The following ADCY2 variants were observed in gnomAD, a reference collection of about 807,000 sequenced individuals.
ADCY2 encodes adenylate cyclase 2.
ADCY2 carries 31 observed loss-of-function variants against 125.2 expected under a neutral mutation model. That is an observed-to-expected ratio of 0.25 (90% CI 0.19 to 0.33). The LOEUF (loss-of-function observed/expected upper bound fraction) is 0.33. ADCY2 is among the 10% of genes least tolerant of loss of function. ADCY2 has a pLI of 1.00. For missense variants in ADCY2, 904 were observed against 1,418.2 expected (o/e 0.64, Z 5.82); for synonymous variants, 512 against 548.4 (o/e 0.93, Z 0.93).
At chr5:7,711,832 A>G (rs1741450282) in intron 10 of ADCY2, among the ~76,000 whole-genome samples, 1 of 152,246 alleles carries the variant, frequency 6.6e-6, no homozygotes, top group Admixed American at 6.5e-5. Context: ...TAGTAGCAGT[A>G]TAGCATACTT....
At chr5:7,750,163 T>C (rs1742759685) in intron 15 of ADCY2, among the ~76,000 whole-genome samples, 1 of 152,196 alleles carries the variant, frequency 6.6e-6, no homozygotes, top group South Asian at 2.1e-4. Context: ...AATTTGTATC[T>C]TTTTGCTTCT....
intron 14 of ADCY2, among the ~76,000 whole-genome samples, chr5:7,732,893 GAATA>G (rs1460337038): frequency 1.3e-5 from 2 of 152,174 alleles, no homozygotes; most frequent in African/African-American, 4.8e-5. Flanking sequence ...CTCAGAATTT[GAATA>G]GATAGAATTA....
intron 7 of ADCY2, among the ~76,000 whole-genome samples, chr5:7,698,712 T>C (rs904871241): frequency 6.6e-6 from 1 of 152,248 alleles, no homozygotes; most frequent in Non-Finnish European, 1.5e-5. Flanking sequence ...GCCAAGGGCA[T>C]GAACTCATCG....
chr5:7,674,988 T>C (rs1323740791), intron 4 of ADCY2, among the ~76,000 whole-genome samples: 2 of 152,058 alleles, frequency 1.3e-5, no homozygotes, highest in African/African-American at 4.8e-5. Flanking sequence ...ACTCCGTCTC[T>C]ACTAAAAATA....
intron 2 of ADCY2, among the ~76,000 whole-genome samples, chr5:7,506,097 A>G (rs1308844992): frequency 1.3e-5 from 2 of 152,152 alleles, no homozygotes; most frequent in Non-Finnish European, 2.9e-5. Context: ...CTTATTTTCC[A>G]AATTGTTTCA....
chr5:7,678,534 A>G (rs144895128), intron 4 of ADCY2, among the ~76,000 whole-genome samples: 2 of 152,354 alleles, frequency 1.3e-5, no homozygotes, highest in Non-Finnish European at 2.9e-5. Context: ...GTACACACAC[A>G]CATAATATAC....
chr5:7,683,926 C>T (rs559474448), intron 4 of ADCY2, among the ~76,000 whole-genome samples: 1 of 152,240 alleles, frequency 6.6e-6, no homozygotes, highest in Non-Finnish European at 1.5e-5. Context: ...TCCTCCTCCT[C>T]AGAAGAAATC....
At chr5:7,718,531 G>A (rs1174540609) in intron 12 of ADCY2, among the ~76,000 whole-genome samples, 1 of 152,130 alleles carries the variant, frequency 6.6e-6, no homozygotes, top group Admixed American at 6.5e-5. Context: ...GTGTGTCTAT[G>A]GTGGGTGTGT....
intron 9 of ADCY2, chr5:7,708,042 C>G: frequency 1.8e-6 from 1 of 541,940 alleles, no homozygotes; most frequent in Non-Finnish European, 3.1e-6. Flanking sequence ...TTGAAATGCA[C>G]TGCTTTTCTG....
intron 18 of ADCY2, among the ~76,000 whole-genome samples, chr5:7,783,310 G>T (rs187999908): frequency 9.9e-4 from 151 of 152,190 alleles, no homozygotes; most frequent in African/African-American, 3.5e-3. Flanking sequence ...TCTGTGCCAG[G>T]GATATAAGTA....
chr5:7,804,833 G>C, intron 22 of ADCY2, 141 bp downstream of exon 22: 1 of 636,196 alleles, frequency 1.6e-6, no homozygotes, highest in Non-Finnish European at 2.8e-6. Flanking sequence ...TCCTATGAGA[G>C]AAGATGAAAA....
intron 18 of ADCY2, among the ~76,000 whole-genome samples, chr5:7,778,746 A>G (rs531695932): frequency 6.6e-6 from 1 of 152,244 alleles, no homozygotes; most frequent in East Asian, 1.9e-4. Flanking sequence ...GGATATTGCG[A>G]TGTATTTTCA....
intron 4 of ADCY2, among the ~76,000 whole-genome samples, chr5:7,639,685 C>G (rs1308670612): frequency 6.6e-6 from 1 of 152,170 alleles, no homozygotes; most frequent in Non-Finnish European, 1.5e-5. Context: ...TGGATGAGCT[C>G]AGGTATTATT....
intron 3 of ADCY2, among the ~76,000 whole-genome samples, chr5:7,571,455 A>G (rs1736063756): frequency 6.6e-6 from 1 of 152,142 alleles, no homozygotes; most frequent in Admixed American, 6.5e-5. Flanking sequence ...AGTGGATTTG[A>G]TGATACCCAC....
chr5:7,776,895 T>A (rs570779112), intron 18 of ADCY2, among the ~76,000 whole-genome samples: 2 of 152,274 alleles, frequency 1.3e-5, no homozygotes, highest in South Asian at 4.1e-4. Flanking sequence ...TCTCCAGGGT[T>A]CTTAGTACAG....
chr5:7,498,565 A>C (rs1477572252), intron 2 of ADCY2, among the ~76,000 whole-genome samples: 1 of 152,158 alleles, frequency 6.6e-6, no homozygotes, highest in Admixed American at 6.5e-5. Flanking sequence ...ACTCTTATAC[A>C]ATGCTTTTGA....
chr5:7,746,652 T>G (rs188295293), intron 15 of ADCY2, among the ~76,000 whole-genome samples: 1 of 152,226 alleles, frequency 6.6e-6, no homozygotes, highest in African/African-American at 2.4e-5. Context: ...TATTATGAAT[T>G]AAATACTGAG....
At chr5:7,676,516 T>TA (rs33974520) in intron 4 of ADCY2, among the ~76,000 whole-genome samples, 8 of 120,688 alleles carry the variant, frequency 6.6e-5, no homozygotes, top group African/African-American at 1.9e-4. Flanking sequence ...CAACATGAAT[T>TA]AAAAAAAAAA....
intron 2 of ADCY2, among the ~76,000 whole-genome samples, chr5:7,415,524 G>A (rs1321469079): frequency 6.6e-6 from 1 of 152,116 alleles, no homozygotes; most frequent in Non-Finnish European, 1.5e-5. Flanking sequence ...AACCCTCCAG[G>A]ACTGGTTGTT....
Sources: gnomAD v4.1 joint callset for allele counts (sites outside exome capture counted in the v4.1 genomes callset) on GRCh38, gnomAD v4.1.1 for gene constraint, MANE v1.5 for transcripts, NCBI Gene and HGNC (gene_info 2026-07-23, HGNC 2026-07-21) for gene names.